Variants in PAMR1 observed in about 807,000 individuals in gnomAD.
The protein encoded by PAMR1 is inactive serine protease PAMR1.
A neutral mutation model predicts 81.8 loss-of-function variants in PAMR1; 88 were observed. That is an observed-to-expected ratio of 1.08 (90% CI 0.91 to 1.28). The LOEUF (loss-of-function observed/expected upper bound fraction) is 1.28, where lower values mean the gene tolerates loss of function less well. Ranked by LOEUF, PAMR1 falls within the 50% of genes most tolerant of loss-of-function variation. The pLI is 0.00. For missense variants in PAMR1, 935 were observed against 919.7 expected, an observed-to-expected ratio of 1.02 and a Z score of -0.21; for synonymous variants, 336 against 345.3, an observed-to-expected ratio of 0.97 and a Z score of 0.30.
At chr11:35,504,069 G>A (rs1322345746) in intron 1 of PAMR1, among the ~76,000 whole-genome samples, 1 of 151,976 alleles carries the variant, frequency 6.6e-6, no homozygotes, top group Non-Finnish European at 1.5e-5. Flanking sequence ...TTTTTTCAGG[G>A]TTTTTATCAT....
chr11:35,447,919 T>C (rs1024094623), intron 6 of PAMR1, among the ~76,000 whole-genome samples: 2 of 152,248 alleles, frequency 1.3e-5, no homozygotes, highest in Non-Finnish European at 2.9e-5. Context: ...TTTGCCTGGA[T>C]ATGAAATTCT....
At chr11:35,520,168 A>T (rs1482621683) in intron 1 of PAMR1, among the ~76,000 whole-genome samples, 1 of 152,186 alleles carries the variant, frequency 6.6e-6, no homozygotes, top group Non-Finnish European at 1.5e-5. Flanking sequence ...TGTTTCCACC[A>T]TTGATGATTG....
chr11:35,501,913 TTGATA>T (rs1319015936), intron 1 of PAMR1, among the ~76,000 whole-genome samples: 1 of 152,224 alleles, frequency 6.6e-6, no homozygotes, highest in Non-Finnish European at 1.5e-5. Flanking sequence ...AGATGTCTCT[TTGATA>T]TATTTCCTTT....
chr11:35,467,993 A>C lies in PAMR1; in HGVS notation c.820+8T>G. On this transcript the variant is annotated splice_region_variant and intron_variant, in intron 6 of 10. Coordinates refer to ENST00000619888, the MANE Select transcript of PAMR1 (RefSeq NM_001001991.3). Reference sequence around the variant, plus strand: ...ACACCTTAACTCCCACTTAGGAAGCATACTCACGATTTTCACAGCGCTGCC... The same window carrying C: ...ACACCTTAACTCCCACTTAGGAAGCCTACTCACGATTTTCACAGCGCTGCC... 3 of 1,528,368 alleles carry C rather than the reference A, an allele frequency of 2.0e-6. No homozygotes were observed. Among genetic ancestry groups the C allele is most frequent in the Non-Finnish European group, 2.7e-6 (3 of 1,124,120 alleles). 94.7% of individuals were successfully genotyped at this position (1,528,368 alleles called of 1,614,324 possible).
intron 1 of PAMR1, among the ~76,000 whole-genome samples, chr11:35,503,717 G>A (rs914213048): frequency 2.0e-5 from 3 of 152,004 alleles, no homozygotes; most frequent in African/African-American, 7.2e-5. Context: ...AGGTTGATTT[G>A]TATTTTATGA....
At chr11:35,529,469 T>C (rs1194537140), upstream of PAMR1, among the ~76,000 whole-genome samples, 3 of 152,160 alleles carry the variant, frequency 2.0e-5, no homozygotes, top group African/African-American at 7.2e-5. Flanking sequence ...ATTTCTGACT[T>C]AAGAGCACTT....
intron 1 of PAMR1, among the ~76,000 whole-genome samples, chr11:35,502,063 T>C (rs942730875): frequency 6.6e-6 from 1 of 152,186 alleles, no homozygotes; most frequent in Non-Finnish European, 1.5e-5. Context: ...AGGGTCCCTC[T>C]TTATGTCTTC....
chr11:35,437,389 C>A (rs1856074860), intron 8 of PAMR1, among the ~76,000 whole-genome samples: 1 of 152,222 alleles, frequency 6.6e-6, no homozygotes, highest in African/African-American at 2.4e-5. Flanking sequence ...CCCCCAATAC[C>A]AATATATCAT....
At chr11:35,467,935 G>C in intron 6 of PAMR1, 66 bp downstream of exon 6, 1 of 950,796 alleles carries the variant, frequency 1.1e-6, no homozygotes. Flanking sequence ...GGCCCTGCAA[G>C]CTCTTAAAAT....
chr11:35,507,973 G>T (rs958838010), intron 1 of PAMR1, among the ~76,000 whole-genome samples: 2 of 152,066 alleles, frequency 1.3e-5, no homozygotes, highest in African/African-American at 4.8e-5. Context: ...TCATGCCTGG[G>T]GAACTTGTGG....
intron 1 of PAMR1, among the ~76,000 whole-genome samples, chr11:35,499,914 G>A (rs191065109): frequency 6.6e-6 from 1 of 152,322 alleles, no homozygotes; most frequent in African/African-American, 2.4e-5. Context: ...GTAATCACAA[G>A]GCCCCCCGTA....
chr11:35,499,700 T>C (rs571452839), intron 1 of PAMR1, among the ~76,000 whole-genome samples: 1 of 152,234 alleles, frequency 6.6e-6, no homozygotes, highest in South Asian at 2.1e-4. Context: ...GTTTACTCTA[T>C]AGATAAGATC....
At chr11:35,529,865 A>G (rs1851438201), upstream of PAMR1, 1 of 152,232 alleles carries the variant, frequency 6.6e-6, no homozygotes, top group African/African-American at 2.4e-5. Context: ...TGGCTGTAAT[A>G]GACAGAGTCA....
At chr11:35,503,267 A>C (rs1473320906) in intron 1 of PAMR1, among the ~76,000 whole-genome samples, 2 of 143,908 alleles carry the variant, frequency 1.4e-5, no homozygotes, top group Admixed American at 1.4e-4. Context: ...GAAGTCATGT[A>C]GTGTGATGTC....
chr11:35,495,686 CACCTGCAGTGGCTTCTAA>C (rs1850715873), intron 1 of PAMR1, among the ~76,000 whole-genome samples: 1 of 152,176 alleles, frequency 6.6e-6, no homozygotes, highest in Non-Finnish European at 1.5e-5. Context: ...TGAATTCTAG[CACCTGCAGTGGCTTCTAA>C]ACCCTTGAAT....
Position 35,432,281 on chromosome 11 carries a change from C to T in PAMR1, c.*75G>A, listed in dbSNP as rs932733215. 7 of 1,399,192 alleles carry T rather than the reference C, an allele frequency of 5.0e-6. No homozygotes were observed. The East Asian group carries it at 9.2e-5, about 18-fold the overall frequency. The allele number at this position is 1,399,192 out of a possible 1,614,324, so 86.7% of individuals were successfully genotyped here. On this transcript the variant is annotated 3_prime_UTR_variant, in exon 11 of 11. Coordinates refer to ENST00000619888, the MANE Select transcript of PAMR1 (RefSeq NM_001001991.3). ...TCACAGGCCAAATCACACTTCAGGC[C>T]CACACTGCTTCACGCAATGACACAC... is the stretch of plus-strand genomic sequence containing the variant.
intron 1 of PAMR1, among the ~76,000 whole-genome samples, chr11:35,497,074 C>A (rs149076592): frequency 6.6e-6 from 1 of 151,920 alleles, no homozygotes; most frequent in Admixed American, 6.6e-5. Flanking sequence ...GGCTGAGGCA[C>A]GAGAATCGCT....
chr11:35,447,303 T>G (rs895694582), intron 6 of PAMR1, among the ~76,000 whole-genome samples: 4 of 150,916 alleles, frequency 2.7e-5, no homozygotes, highest in African/African-American at 9.7e-5. Flanking sequence ...CCCAGGTTCA[T>G]GCCATTCTCC....
intron 1 of PAMR1, among the ~76,000 whole-genome samples, chr11:35,516,369 C>T (rs1047561084): frequency 1.3e-5 from 2 of 152,208 alleles, no homozygotes; most frequent in Non-Finnish European, 2.9e-5. Context: ...AAACTTACAT[C>T]CATTCTAAGA....
Sources: allele counts gnomAD v4.1 joint callset (sites outside exome capture counted in the v4.1 genomes callset), GRCh38; gene constraint gnomAD v4.1.1; transcripts MANE v1.5; gene names NCBI Gene and HGNC (gene_info 2026-07-23, HGNC 2026-07-21).